Variants in PALLD observed in about 807,000 individuals in gnomAD.
PALLD encodes palladin.
In PALLD, 61 loss-of-function variants were observed where a neutral mutation model predicts 123.5. The observed-to-expected ratio is 0.49, with a 90% confidence interval of 0.40 to 0.61. PALLD has a LOEUF of 0.61. PALLD is among the 20% of genes least tolerant of loss of function. The pLI, the probability that PALLD is intolerant of heterozygous loss-of-function variation, is 0.00. For synonymous variants in PALLD, 465 were observed against 496.4 expected (o/e 0.94, Z 0.84); for missense variants, 1,273 against 1,377.0 (o/e 0.92, Z 1.20).
rs151103939 is a variant in PALLD, at chr4:168,694,511, A to G, written c.1501+3219A>G. Reference sequence around the variant, plus strand: ...TCCTCTTTCTCCATCTCACTCCCTCATTCTTTTTATTTATTTTTTCTTTAC... The same window carrying G: ...TCCTCTTTCTCCATCTCACTCCCTCGTTCTTTTTATTTATTTTTTCTTTAC... On this transcript the variant is annotated intron_variant, in intron 8 of 21. Transcript: ENST00000505667. Among the ~76,000 whole-genome samples, 216 of 149,912 alleles carry G rather than the reference A, an allele frequency of 1.4e-3. 3 individuals carry two copies. In the East Asian group the frequency reaches 0.026, roughly 18 times the overall value.
At chr4:168,924,891 C>T in intron 19 of PALLD, 54 bp from the exon 20 acceptor site, 1 of 1,597,788 alleles carries the variant, frequency 6.3e-7, no homozygotes, top group Non-Finnish European at 8.6e-7. Flanking sequence ...TGCTTCATGT[C>T]CAAAGCCACT....
intron 10 of PALLD, among the ~76,000 whole-genome samples, chr4:168,731,773 A>G (rs1220321700): frequency 6.6e-6 from 1 of 152,248 alleles, no homozygotes; most frequent in East Asian, 1.9e-4. Context: ...TTTTGTTTCA[A>G]TTCAGACCAC....
At chr4:168,704,576 A>G (rs1784039667) in intron 8 of PALLD, among the ~76,000 whole-genome samples, 1 of 151,156 alleles carries the variant, frequency 6.6e-6, no homozygotes, top group Non-Finnish European at 1.5e-5. Context: ...AGGCAGGAGA[A>G]TGGCATGAAC....
chr4:168,807,476 C>T (rs1178921216), intron 10 of PALLD, among the ~76,000 whole-genome samples: 1 of 152,074 alleles, frequency 6.6e-6, no homozygotes, highest in African/African-American at 2.4e-5. Flanking sequence ...ATGGCGCGAT[C>T]TGGGCTCACT....
At chr4:168,706,324 A>G (rs1784228406) in intron 8 of PALLD, among the ~76,000 whole-genome samples, 2 of 152,200 alleles carry the variant, frequency 1.3e-5, no homozygotes, top group Non-Finnish European at 2.9e-5. Context: ...TAGAACACAA[A>G]ATTAATAATA....
At chr4:168,642,844 G>T (rs557992393) in intron 2 of PALLD, among the ~76,000 whole-genome samples, 1 of 152,206 alleles carries the variant, frequency 6.6e-6, no homozygotes, top group Non-Finnish European at 1.5e-5. Flanking sequence ...CTGTACATTC[G>T]TCTCTACTGT....
chr4:168,719,589 CT>C (rs1785780749), intron 10 of PALLD, among the ~76,000 whole-genome samples: 1 of 152,110 alleles, frequency 6.6e-6, no homozygotes, highest in South Asian at 2.1e-4. Context: ...GTTTTTCTTA[CT>C]TGTATTTTAG....
At chr4:168,589,562 A>G (rs191496089) in intron 2 of PALLD, among the ~76,000 whole-genome samples, 2 of 133,668 alleles carry the variant, frequency 1.5e-5, no homozygotes, top group African/African-American at 2.6e-5. Flanking sequence ...AAAACTATAG[A>G]TCTACTGCTG....
chr4:168,919,978 C>T (rs1050375969), intron 17 of PALLD, among the ~76,000 whole-genome samples: 7 of 152,130 alleles, frequency 4.6e-5, no homozygotes, highest in South Asian at 2.1e-4. Context: ...TTTGAGAGTA[C>T]GCGTGCTTTG....
chr4:168,916,004 A>C lies in PALLD; in HGVS notation c.2827A>C (p.Lys943Gln). 1 of 1,614,018 alleles carries C rather than the reference A, an allele frequency of 6.2e-7. No individual in the cohort carries two copies. Among genetic ancestry groups the C allele is most frequent in the Non-Finnish European group, 8.5e-7 (1 of 1,179,908 alleles). The part of the protein sequence containing the change: ...APGDLTVQEG[K>Q]LCRMDCKVSG... ...TGGAGATCTGACTGTTCAAGAAGGA[A>C]AACTCTGCAGAATGGACTGCAAAGT... The change falls in exon 17 of 22, where the codon AAA becomes CAA. Residue 943 changes from lysine (K) to glutamine (Q), a missense_variant. Physicochemically the swap from Lys to Gln is moderately conservative, Grantham distance 53. Transcript: ENST00000505667.
At chr4:168,670,718 C>A (rs1392806310) in intron 3 of PALLD, among the ~76,000 whole-genome samples, 1 of 133,278 alleles carries the variant, frequency 7.5e-6, no homozygotes, top group African/African-American at 2.9e-5. Flanking sequence ...CTGGCCTGGG[C>A]GACAGAGCGA....
intron 12 of PALLD, among the ~76,000 whole-genome samples, chr4:168,895,270 TACTC>T (rs1754863614): frequency 1.3e-5 from 2 of 152,194 alleles, no homozygotes; most frequent in Admixed American, 6.5e-5. Flanking sequence ...TAGTCCCAGC[TACTC>T]GGGAAGCTGA....
chr4:168,785,844 G>GATATAT lies in PALLD; in HGVS notation c.1964+73922_1964+73923insTATATA, dbSNP rs1230880749. ...ACAGAGTCAGTTCTAATAAACTGTAGAGATATATATATATATATATATATA... is the reference window on the plus strand; with the variant it reads ...ACAGAGTCAGTTCTAATAAACTGTAGATATATAGATATATATATATATATATATATA... On this transcript the variant is annotated intron_variant, in intron 10 of 21. Transcript: ENST00000505667. Among the ~76,000 whole-genome samples the GATATAT allele has an allele frequency of 5.2e-3, 277 of 53,174 alleles. 4 individuals are homozygous for GATATAT. Among genetic ancestry groups the GATATAT allele is most frequent in the East Asian group, 0.015 (46 of 3,022 alleles). 34.9% of individuals were successfully genotyped at this position (53,174 alleles called of 152,430 possible).
intron 10 of PALLD, among the ~76,000 whole-genome samples, chr4:168,803,226 C>T (rs567306599): frequency 2.6e-5 from 4 of 152,062 alleles, no homozygotes; most frequent in African/African-American, 9.7e-5. Flanking sequence ...GGGAATCATA[C>T]AGTCGTGGTG....
intron 2 of PALLD, among the ~76,000 whole-genome samples, chr4:168,600,824 C>A (rs910958176): frequency 6.6e-6 from 1 of 152,094 alleles, no homozygotes; most frequent in African/African-American, 2.4e-5. Context: ...TAAAAGACTT[C>A]TAGTCATCTC....
chr4:168,528,816 A>G (rs1764313560), intron 2 of PALLD, among the ~76,000 whole-genome samples: 1 of 152,220 alleles, frequency 6.6e-6, no homozygotes, highest in Admixed American at 6.5e-5. Flanking sequence ...TTACTAGTCT[A>G]TTTGAAGACT....
chr4:168,761,563 C>T (rs1464989105), intron 10 of PALLD, among the ~76,000 whole-genome samples: 6 of 151,206 alleles, frequency 4.0e-5, no homozygotes, highest in South Asian at 4.2e-4. Flanking sequence ...CGGGCTCAAG[C>T]GATTCTCCTG....
chr4:168,613,857 G>A (rs771530898), intron 2 of PALLD, among the ~76,000 whole-genome samples: 1 of 152,128 alleles, frequency 6.6e-6, no homozygotes, highest in African/African-American at 2.4e-5. Flanking sequence ...ACATGGTAGT[G>A]GTGCCACATA....
intron 10 of PALLD, among the ~76,000 whole-genome samples, chr4:168,848,964 A>G (rs1042430724): frequency 1.3e-5 from 2 of 152,230 alleles, no homozygotes; most frequent in African/African-American, 4.8e-5. Flanking sequence ...TACAGTCAGT[A>G]AAGATGAGAG....
Sources: allele counts gnomAD v4.1 joint callset (sites outside exome capture counted in the v4.1 genomes callset), GRCh38; gene constraint gnomAD v4.1.1; transcripts MANE v1.5; gene names NCBI Gene and HGNC (gene_info 2026-07-23, HGNC 2026-07-21).